VARS1: variants seen among roughly 807,000 people sequenced by gnomAD.
VARS1 encodes valine--tRNA ligase.
VARS1 carries 92 observed loss-of-function variants against 161.0 expected under a neutral mutation model. That is an observed-to-expected ratio of 0.57 (90% confidence interval 0.48 to 0.68). The LOEUF (loss-of-function observed/expected upper bound fraction) is 0.68, where lower values mean the gene tolerates loss of function less well. Among genes scored for constraint, VARS1 ranks in the 30% least tolerant of loss-of-function variants. VARS1 has a pLI of 0.00. For missense variants in VARS1, 1,338 were observed against 1,695.9 expected, an observed-to-expected ratio of 0.79 and a Z score of 3.71; for synonymous variants, 595 against 682.5, an observed-to-expected ratio of 0.87 and a Z score of 2.00.
Position 31,795,241 on chromosome 6 carries a change from G to T in VARS1, c.-24C>A. 2.9e-6 allele frequency: 4 copies of T among 1,401,802 alleles called. No homozygotes were observed. Among genetic ancestry groups the T allele is most frequent in the Non-Finnish European group, 3.7e-6 (4 of 1,075,188 alleles). 86.8% of individuals were successfully genotyped at this position (1,401,802 alleles called of 1,614,324 possible). A position where few individuals can be genotyped will look rare whatever the true frequency, so the allele number is the denominator to read the frequency against. ...ATAGTTATGAGAAGGTCCGAACGAA[G>T]TGGAAAAACCTAAGGAGAAAGAGAG... is the stretch of plus-strand genomic sequence containing the variant. On this transcript the variant is annotated 5_prime_UTR_variant, in exon 2 of 30. Transcript: ENST00000375663. The surrounding 1 kb of genome is among the most constrained non-coding windows in gnomAD (Gnocchi z 6.9).
At chr6:31,786,048 G>A (rs1813480631) in intron 8 of VARS1, among the ~76,000 whole-genome samples, 1 of 152,164 alleles carries the variant, frequency 6.6e-6, no homozygotes, top group African/African-American at 2.4e-5. Flanking sequence ...ATCACCTGAG[G>A]TGGGGACTTC....
chr6:31,777,826 A>C lies in VARS1; in HGVS notation c.3727-164T>G. On this transcript the variant is annotated intron_variant, in intron 29 of 29. Coordinates refer to ENST00000375663, the MANE Select transcript of VARS1 (RefSeq NM_006295.3). This position sits in a 1 kb window ranked among gnomAD's most constrained non-coding sequence, Gnocchi z 5.8. ...TGGCTCCCCACCCATTCCCACCAGCACCCCCACTTCCACCACCACCTCTTG... is the reference window on the plus strand; with the variant it reads ...TGGCTCCCCACCCATTCCCACCAGCCCCCCCACTTCCACCACCACCTCTTG... The C allele has an allele frequency of 1.4e-6, 1 of 697,260 alleles. No individual in the cohort carries two copies. The highest frequency in any genetic ancestry group is 2.4e-6 in the Non-Finnish European group (1 of 408,684). The allele number at this position is 697,260 out of a possible 1,614,324, so 43.2% of individuals were successfully genotyped here.
In VARS1 at chr6:31,795,264, G is replaced by A. The variant is rs1814202092; in HGVS notation, c.-33-14C>T. ...AAGTGGAAAAACCTAAGGAGAAAGA[G>A]AGACAGGGGAAGACTGCGGGATCGA... On this transcript the variant is annotated splice_polypyrimidine_tract_variant and intron_variant, in intron 1 of 29. Transcript: ENST00000375663. This position sits in a 1 kb window ranked among gnomAD's most constrained non-coding sequence, Gnocchi z 6.9. The A allele has an allele frequency of 1.5e-6, 2 of 1,377,012 alleles. No homozygotes were observed. The highest frequency in any genetic ancestry group is 1.4e-5 in the African/African-American group (1 of 69,802). 85.3% of individuals were successfully genotyped at this position (1,377,012 alleles called of 1,614,324 possible). A position where few individuals can be genotyped will look rare whatever the true frequency, so the allele number is the denominator to read the frequency against.
In VARS1 at chr6:31,778,577, T is replaced by C. The variant is rs1270967189; in HGVS notation, c.3726+390A>G. ...CAGGCTCAAGTGCAGTGGCATGATC[T>C]CGGCTCACTGCAGTCTTGACCTCCC... On this transcript the variant is annotated intron_variant, in intron 29 of 29. Transcript: ENST00000375663. This position sits in a 1 kb window ranked among gnomAD's most constrained non-coding sequence, Gnocchi z 5.1. Among the ~76,000 whole-genome samples the C allele has an allele frequency of 6.6e-6, 1 of 152,102 alleles. No homozygotes were observed. The highest frequency in any genetic ancestry group is 1.9e-4 in the East Asian group (1 of 5,192).
rs750087935 is a variant in VARS1, at chr6:31,792,260, C to A, written c.828G>T (p.Gly276=). The A allele has an allele frequency of 1.2e-6, 2 of 1,613,754 alleles. No individual in the cohort carries two copies. The highest frequency in any genetic ancestry group is 2.7e-5 in the African/African-American group (2 of 74,808). ...KPEKREKRDP[G]VITYDLPTPP... The stretch of plus-strand genomic sequence containing the variant: ...GGGTTGGGAGGTCATAGGTAATGAC[C>A]CCAGGATCCCGTTTCTCCCTCTTCT... The change falls in exon 6 of 30, where the codon GGG becomes GGT. Residue 276 remains glycine, a synonymous_variant. Coordinates refer to ENST00000375663, the MANE Select transcript of VARS1 (RefSeq NM_006295.3).
chr6:31,781,337 G>T lies in VARS1; in HGVS notation c.2544+144C>A. Reference sequence around the variant, plus strand: ...ACAGGAATCACTGAGCAGGGCCCAGGCTGGATTTCAACCCCACACCAGCCC... The same window carrying T: ...ACAGGAATCACTGAGCAGGGCCCAGTCTGGATTTCAACCCCACACCAGCCC... On this transcript the variant is annotated intron_variant, in intron 21 of 29. Transcript: ENST00000375663. The surrounding 1 kb of genome is among the most constrained non-coding windows in gnomAD (Gnocchi z 6.8). 7.4e-7 allele frequency: 1 copy of T among 1,348,084 alleles called. No individual in the cohort carries two copies. Among genetic ancestry groups the T allele is most frequent in the Non-Finnish European group, 1.0e-6 (1 of 997,820 alleles). 83.5% of individuals were successfully genotyped at this position (1,348,084 alleles called of 1,614,324 possible). A position where few individuals can be genotyped will look rare whatever the true frequency, so the allele number is the denominator to read the frequency against.
At position 31,791,572 on chromosome 6, in the gene VARS1, G is replaced by A; in HGVS notation, c.1100+38C>T. On this transcript the variant is annotated intron_variant, in intron 8 of 29. Transcript: ENST00000375663. This position sits in a 1 kb window ranked among gnomAD's most constrained non-coding sequence, Gnocchi z 5.0. ...AGGGAAAAGGAGAGAGCCAGACTAG[G>A]CAGAGGGAACCAGAGGAAGGTGCAG... The A allele has an allele frequency of 6.3e-7, 1 of 1,581,556 alleles. No individual in the cohort carries two copies. The highest frequency in any genetic ancestry group is 1.2e-5 in the South Asian group (1 of 84,646).
rs1242900101 is a variant in VARS1, at chr6:31,792,536, T to G, written c.662-20A>C. On this transcript the variant is annotated intron_variant, in intron 4 of 29. Coordinates refer to ENST00000375663, the MANE Select transcript of VARS1 (RefSeq NM_006295.3). ...CGGGGCCTAGAGAGAGGTGCAGAAATTCAGACTCAGCCAGCTGGGGACCCT... is the reference window on the plus strand; with the variant it reads ...CGGGGCCTAGAGAGAGGTGCAGAAAGTCAGACTCAGCCAGCTGGGGACCCT... 3 of 1,613,630 alleles carry G rather than the reference T, an allele frequency of 1.9e-6. No homozygotes were observed. The highest frequency in any genetic ancestry group is 2.7e-5 in the African/African-American group (2 of 74,784).
In VARS1 at chr6:31,795,064, A is replaced by T; in HGVS notation, c.154T>A (p.Phe52Ile). Residue 52 changes from phenylalanine to isoleucine, a missense_variant, in exon 2 of 30, where the codon TTT (phenylalanine) becomes ATT (isoleucine). Physicochemically the swap from Phe to Ile is conservative, Grantham distance 21 (BLOSUM62 0). This residue lies in a region of VARS1 where 902 missense variants were observed against 1,090.3 expected (regional missense o/e 0.83). Coordinates refer to ENST00000375663, the MANE Select transcript of VARS1 (RefSeq NM_006295.3). This position sits in a 1 kb window ranked among gnomAD's most constrained non-coding sequence, Gnocchi z 6.9. ...LQPPPTSRTP[F>I]PPPRLPALEQ... ...AGGGCCGGCAGGCGGGGTGGGGGAA[A>T]GGGAGTCCTGCTAGTCGGGGGTGGC... 6.5e-7 allele frequency: 1 copy of T among 1,532,698 alleles called. No individual in the cohort carries two copies. 94.9% of individuals were successfully genotyped at this position (1,532,698 alleles called of 1,614,324 possible).
Position 31,784,831 on chromosome 6 carries a change from C to G in VARS1, c.1348-117G>C. On this transcript the variant is annotated intron_variant, in intron 10 of 29. Coordinates refer to ENST00000375663, the MANE Select transcript of VARS1 (RefSeq NM_006295.3). The surrounding 1 kb of genome is among the most constrained non-coding windows in gnomAD (Gnocchi z 6.1). ...AGAGTCCCACTGGCCAGCACAAAGACCCCTCTGAGGGGAGTACTTTCCTTC... is the reference window on the plus strand; with the variant it reads ...AGAGTCCCACTGGCCAGCACAAAGAGCCCTCTGAGGGGAGTACTTTCCTTC... 1.4e-6 allele frequency: 2 copies of G among 1,474,558 alleles called. No homozygotes were observed. The highest frequency in any genetic ancestry group is 1.8e-6 in the Non-Finnish European group (2 of 1,082,704). 91.3% of individuals were successfully genotyped at this position (1,474,558 alleles called of 1,614,324 possible). A position where few individuals can be genotyped will look rare whatever the true frequency, so the allele number is the denominator to read the frequency against.
chr6:31,779,791 A>G lies in VARS1; in HGVS notation c.3105T>C (p.Asn1035=), dbSNP rs1024703032. ...VYLECLKPVL[N]GVDQVAAECA... The stretch of plus-strand genomic sequence containing the variant: ...ACTCAGCTGCCACCTGGTCCACCCC[A>G]TTCAGTACAGGTTTCAGGCACTCCT... Residue 1035 remains asparagine, a synonymous_variant, in exon 27 of 30, where the codon AAT becomes AAC. Transcript: ENST00000375663. This position sits in a 1 kb window ranked among gnomAD's most constrained non-coding sequence, Gnocchi z 9.1. 11 of 1,612,852 alleles carry G rather than the reference A, an allele frequency of 6.8e-6. 1 individual carries two copies. Among genetic ancestry groups the G allele is most frequent in the South Asian group, 4.4e-5 (4 of 91,088 alleles).
At position 31,779,685 on chromosome 6, in the gene VARS1, G is replaced by A; in HGVS notation, c.3211C>T (p.Leu1071=). 6.2e-7 allele frequency: 1 copy of A among 1,613,028 alleles called. No homozygotes were observed. The highest frequency in any genetic ancestry group is 2.2e-5 in the East Asian group (1 of 44,878). ...ATCCTCCGGGGCAGCCTCTGGAACA[G>A]CTCCTCCGTCACGAAGGGCATGAAG... is the stretch of plus-strand genomic sequence containing the variant. ...SPFMPFVTEE[L]FQRLPRRMPQ... The change falls in exon 27 of 30, where the codon CTG becomes TTG. Residue 1071 remains leucine (L), a synonymous_variant. Transcript: ENST00000375663. The surrounding 1 kb of genome is among the most constrained non-coding windows in gnomAD (Gnocchi z 9.1).
chr6:31,789,297 C>T (rs1337101175), intron 8 of VARS1, among the ~76,000 whole-genome samples: 2 of 151,326 alleles, frequency 1.3e-5, no homozygotes, highest in African/African-American at 4.9e-5. Flanking sequence ...AATAGAAAAA[C>T]GGGGAAAAGA....
At position 31,792,449 on chromosome 6, in the gene VARS1, C is replaced by T. The variant is rs1433577143; in HGVS notation, c.729G>A (p.Lys243=). 6.2e-7 allele frequency: 1 copy of T among 1,614,058 alleles called. No homozygotes were observed. Among genetic ancestry groups the T allele is most frequent in the African/African-American group, 1.3e-5 (1 of 74,990 alleles). ...QLKKEAKKRE[K]LEKFQQKQKI... The stretch of plus-strand genomic sequence containing the variant: ...TCTGCTTCTGTTGGAATTTCTCTAG[C>T]TTCTCCCGTTTCTTTGCCTCTTTCT... The change falls in exon 5 of 30, where the codon AAG becomes AAA. Residue 243 remains lysine (K), a synonymous_variant. Coordinates refer to ENST00000375663, the MANE Select transcript of VARS1 (RefSeq NM_006295.3).
intron 2 of VARS1, 51 bp downstream of exon 2, chr6:31,794,780 C>T: frequency 6.7e-7 from 1 of 1,503,016 alleles, no homozygotes; most frequent in Non-Finnish European, 8.9e-7. Flanking sequence ...CCAGTCCTCG[C>T]TTCCCTCCTC....
Position 31,781,591 on chromosome 6 carries a change from C to T in VARS1, c.2434G>A (p.Val812Met). Residue 812 changes from valine (V) to methionine (M), a missense_variant, in exon 21 of 30, where the codon GTG becomes ATG. Val to Met is a conservative substitution (Grantham distance 21). Around this residue, in one of 3 missense-constraint regions of VARS1, gnomAD observed 902 missense variants for 1,090.3 expected, o/e 0.83. Coordinates refer to ENST00000375663, the MANE Select transcript of VARS1 (RefSeq NM_006295.3). The surrounding 1 kb of genome is among the most constrained non-coding windows in gnomAD (Gnocchi z 6.8). ...GWPNQSEDLS[V>M]FYPGTLLETG... The stretch of plus-strand genomic sequence containing the variant: ...TCCAGCAGTGTCCCGGGGTAGAACA[C>T]ACTCAGGTCTTCTGACTGAGGGCAG... 1.2e-6 allele frequency: 2 copies of T among 1,612,970 alleles called. No homozygotes were observed. Among genetic ancestry groups the T allele is most frequent in the Non-Finnish European group, 1.7e-6 (2 of 1,179,986 alleles).
chr6:31,792,629 C>G (rs959800853), intron 4 of VARS1, 113 bp from the exon 5 acceptor site: 7 of 1,591,328 alleles, frequency 4.4e-6, no homozygotes, highest in Non-Finnish European at 6.0e-6. Context: ...ATGCTGACCT[C>G]CCCCCTCTCC....
chr6:31,792,400 G>C lies in VARS1; in HGVS notation c.778C>G (p.Pro260Ala). 1 of 1,613,970 alleles carries C rather than the reference G, an allele frequency of 6.2e-7. No individual in the cohort carries two copies. Among genetic ancestry groups the C allele is most frequent in the Non-Finnish European group, 8.5e-7 (1 of 1,180,002 alleles). Residue 260 changes from proline to alanine, a missense_variant, in exon 5 of 30, where the codon CCA becomes GCA. Pro to Ala is a conservative substitution (Grantham distance 27). Coordinates refer to ENST00000375663, the MANE Select transcript of VARS1 (RefSeq NM_006295.3). ...KQKIQQQQPP[P>A]GEKKPKPEKR... ...CTCCACCCTCGCCTCACCTCCCCTG[G>C]AGGTGGCTGCTGCTGTTGGATCTTC...
In VARS1 at chr6:31,794,864, G is replaced by A. The variant is rs751626869; in HGVS notation, c.354C>T (p.Ala118=). Residue 118 remains alanine (A), a synonymous_variant, in exon 2 of 30, where the codon GCC becomes GCT. Transcript: ENST00000375663. The part of the protein sequence containing the change: ...IPAACGATLP[A]LGLRSSAQDP... Reference sequence around the variant, plus strand: ...CCTGGGCCGAGCTTCGGAGTCCCAGGGCCGGCAGCGTTGCTCCACAGGCAG... The same window carrying A: ...CCTGGGCCGAGCTTCGGAGTCCCAGAGCCGGCAGCGTTGCTCCACAGGCAG... 1 of 1,609,560 alleles carries A rather than the reference G, an allele frequency of 6.2e-7. No individual in the cohort carries two copies. The highest frequency in any genetic ancestry group is 8.5e-7 in the Non-Finnish European group (1 of 1,177,542).
Sources: allele counts gnomAD v4.1 joint callset (sites outside exome capture counted in the v4.1 genomes callset), GRCh38; gene constraint gnomAD v4.1.1; regional missense constraint gnomAD v4.1.1; non-coding constraint Gnocchi (gnomAD v3.1); transcripts MANE v1.5; gene names NCBI Gene and HGNC (gene_info 2026-07-23, HGNC 2026-07-21).